Variants in ITGAD observed in about 807,000 individuals in gnomAD.
ITGAD encodes the protein integrin alpha-D.
In ITGAD, 105 loss-of-function variants were observed where a neutral mutation model predicts 139.0. The ratio of observed to expected loss-of-function variants is 0.76; its 90% CI spans 0.65 to 0.89. ITGAD has a LOEUF of 0.89. ITGAD is among the 40% of genes least tolerant of loss of function. ITGAD has a pLI of 0.00. For synonymous variants in ITGAD, 569 were observed against 598.3 expected (o/e 0.95, Z 0.71); for missense variants, 1,384 against 1,487.3 (o/e 0.93, Z 1.14).
At chr16:31,399,556 A>G (rs2081353598) in intron 5 of ITGAD, among the ~76,000 whole-genome samples, 1 of 151,978 alleles carries the variant, frequency 6.6e-6, no homozygotes, top group African/African-American at 2.4e-5. Flanking sequence ...TATGGAGGGG[A>G]CCAAGGGAAG....
chr16:31,426,089 C>A lies in ITGAD; in HGVS notation c.3447C>A (p.Asp1149Glu), dbSNP rs149224051. 20 of 1,613,504 alleles carry A rather than the reference C, an allele frequency of 1.2e-5. No homozygotes were observed. The highest frequency in any genetic ancestry group is 1.4e-5 in the Non-Finnish European group (16 of 1,179,550). The change falls in exon 30 of 30, where the codon GAC (aspartate) becomes GAA (glutamate). Residue 1149 changes from aspartate to glutamate, a missense_variant. Transcript: ENST00000389202. ...KPEDTATFSG[D>E]DFSCVAPNVP... ...AAGACACTGCCACATTCAGTGGGGA[C>A]GATTTCAGCTGTGTGGCCCCAAATG... is the stretch of plus-strand genomic sequence containing the variant.
At chr16:31,419,023 C>CA (rs34885660) in intron 23 of ITGAD, among the ~76,000 whole-genome samples, 49,385 of 89,780 alleles carry the variant, frequency 0.55, 13,591 homozygotes, top group Middle Eastern at 0.63. Flanking sequence ...GACTCTGTCT[C>CA]AAAAAAAAAA....
intron 5 of ITGAD, 103 bp downstream of exon 5, chr16:31,398,012 C>CA: frequency 1.2e-6 from 1 of 810,956 alleles, no homozygotes; most frequent in Non-Finnish European, 1.9e-6. Flanking sequence ...CCCTGGAGGG[C>CA]CGAGTGTGGC....
At chr16:31,398,654 A>G (rs1437594570) in intron 5 of ITGAD, among the ~76,000 whole-genome samples, 4 of 151,788 alleles carry the variant, frequency 2.6e-5, no homozygotes, top group African/African-American at 9.7e-5. Context: ...CTAATTAAAA[A>G]AAATGTTTTT....
In ITGAD at chr16:31,423,613, G is replaced by A; in HGVS notation, c.3010G>A (p.Asp1004Asn). The change falls in exon 26 of 30, where the codon GAC (aspartate) becomes AAC (asparagine). Residue 1004 changes from aspartate (D) to asparagine (N), a missense_variant. Physicochemically the swap from Asp to Asn is conservative, Grantham distance 23. Coordinates refer to ENST00000389202, the MANE Select transcript of ITGAD (RefSeq NM_005353.3). Reference protein sequence around the residue: ...VSERKPPQHSDFLTQISRSPM... With the variant: ...VSERKPPQHSNFLTQISRSPM... ...AGAGAGAAAACCTCCCCAGCATTCTGACTTCCTGACCCAGATTTCAAGAAG... is the reference window on the plus strand; with the variant it reads ...AGAGAGAAAACCTCCCCAGCATTCTAACTTCCTGACCCAGATTTCAAGAAG... 1.2e-6 allele frequency: 2 copies of A among 1,614,074 alleles called. No homozygotes were observed. Among genetic ancestry groups the A allele is most frequent in the Admixed American group, 1.7e-5 (1 of 60,020 alleles).
intron 1 of ITGAD, 132 bp downstream of exon 1, chr16:31,393,523 G>A (rs1396087300): frequency 1.1e-6 from 1 of 934,844 alleles, no homozygotes; most frequent in South Asian, 1.4e-5. Context: ...AGTGCTTCAT[G>A]TGCGAGTGGC....
chr16:31,423,562 T>C lies in ITGAD; in HGVS notation c.2968-9T>C. On this transcript the variant is annotated splice_polypyrimidine_tract_variant and intron_variant, in intron 25 of 29. Transcript: ENST00000389202. ...CATTCTGTGGCTAAGTGCTTCTTTC[T>C]CTTCCCAGAGTCTCCCCTGTGTTTC... 6.2e-7 allele frequency: 1 copy of C among 1,613,760 alleles called. No individual in the cohort carries two copies. The highest frequency in any genetic ancestry group is 8.5e-7 in the Non-Finnish European group (1 of 1,179,646).
intron 10 of ITGAD, 54 bp downstream of exon 10, chr16:31,408,552 C>A: frequency 6.6e-7 from 1 of 1,508,124 alleles, no homozygotes; most frequent in East Asian, 2.3e-5. Context: ...TCTGCACCCA[C>A]CCTGGGCTGG....
In ITGAD at chr16:31,414,960, C is replaced by T; in HGVS notation, c.2252C>T (p.Ala751Val). Residue 751 changes from alanine (A) to valine (V), a missense_variant, in exon 18 of 30, where the codon GCC (alanine) becomes GTC (valine). Physicochemically the swap from Ala to Val is moderately conservative, Grantham distance 64. Coordinates refer to ENST00000389202, the MANE Select transcript of ITGAD (RefSeq NM_005353.3). The part of the protein sequence containing the change: ...PSPQNLRPVL[A>V]VGSQDLFTAS... ...CCCCAGAACCTGCGTCCTGTGCTGGCCGTGGGCTCACAAGACCTCTTCACT... is the reference window on the plus strand; with the variant it reads ...CCCCAGAACCTGCGTCCTGTGCTGGTCGTGGGCTCACAAGACCTCTTCACT... 1 of 1,614,082 alleles carries T rather than the reference C, an allele frequency of 6.2e-7. No individual in the cohort carries two copies. Among genetic ancestry groups the T allele is most frequent in the Non-Finnish European group, 8.5e-7 (1 of 1,179,994 alleles).
rs145889371 is a variant in ITGAD, at chr16:31,393,350, G to A, written c.-11G>A. The A allele has an allele frequency of 2.2e-4, 350 of 1,614,062 alleles. No homozygotes were observed. In the African/African-American group the frequency reaches 3.9e-3, roughly 18 times the overall value. On this transcript the variant is annotated 5_prime_UTR_variant, in exon 1 of 30. Coordinates refer to ENST00000389202, the MANE Select transcript of ITGAD (RefSeq NM_005353.3). ...CCAACCTTCCACTTCCCCTCAACGC[G>A]CTGCTCAGGGATGACCTTCGGCACT...
chr16:31,421,304 G>C (rs1162822620), intron 23 of ITGAD, among the ~76,000 whole-genome samples: 1 of 151,472 alleles, frequency 6.6e-6, no homozygotes, highest in Non-Finnish European at 1.5e-5. Context: ...GGTTTACTTA[G>C]ATCTGAAAAC....
chr16:31,394,140 AAAAAAAAAAAG>A, intron 1 of ITGAD, 85 bp from the exon 2 acceptor site: 2 of 661,934 alleles, frequency 3.0e-6, no homozygotes, highest in South Asian at 2.0e-5. Flanking sequence ...CAAAAAAAAA[AAAAAAAAAAAG>A]AAAAAAAAGA....
chr16:31,423,026 C>T, intron 23 of ITGAD, 88 bp from the exon 24 acceptor site: 1 of 1,023,896 alleles, frequency 9.8e-7, no homozygotes, highest in Non-Finnish European at 1.6e-6. Context: ...GAGACATCTG[C>T]CCAGCCCAAC....
At chr16:31,410,917 G>C (rs151239683) in intron 12 of ITGAD, 39 bp downstream of exon 12, 18 of 1,606,922 alleles carry the variant, frequency 1.1e-5, no homozygotes, top group Non-Finnish European at 1.5e-5. Flanking sequence ...GATGAGGGTG[G>C]GGAGGATGAG....
chr16:31,414,396 A>T lies in ITGAD; in HGVS notation c.1997-55A>T, dbSNP rs2081826205. 2.5e-6 allele frequency: 4 copies of T among 1,578,394 alleles called. No individual in the cohort carries two copies. In the South Asian group the frequency reaches 4.5e-5, roughly 18 times the overall value. Reference sequence around the variant, plus strand: ...TATTGCATGAACAAATAATGAAAACAGAGCATTCTAGGTTATTTCTGCCTT... The same window carrying T: ...TATTGCATGAACAAATAATGAAAACTGAGCATTCTAGGTTATTTCTGCCTT... On this transcript the variant is annotated intron_variant, in intron 16 of 29. Transcript: ENST00000389202.
At chr16:31,395,403 G>C (rs891617081) in intron 2 of ITGAD, among the ~76,000 whole-genome samples, 2 of 152,128 alleles carry the variant, frequency 1.3e-5, no homozygotes, top group African/African-American at 4.8e-5. Context: ...ACCGCCTCCT[G>C]AAGGGTGGTG....
At chr16:31,399,306 T>A (rs2081347833) in intron 5 of ITGAD, among the ~76,000 whole-genome samples, 2 of 152,128 alleles carry the variant, frequency 1.3e-5, no homozygotes, top group Non-Finnish European at 2.9e-5. Context: ...GCCTGGCACA[T>A]AGTATGTGAT....
chr16:31,418,576 C>T lies in ITGAD; in HGVS notation c.2780+12C>T. The T allele has an allele frequency of 1.2e-6, 2 of 1,608,760 alleles. No homozygotes were observed. Among genetic ancestry groups the T allele is most frequent in the Non-Finnish European group, 1.7e-6 (2 of 1,175,134 alleles). ...ACCATGATCAGCAGGTGCCCAGTCC[C>T]TGGCCTTCCCCTTGGACCTCTGGCC... On this transcript the variant is annotated intron_variant, in intron 23 of 29. Coordinates refer to ENST00000389202, the MANE Select transcript of ITGAD (RefSeq NM_005353.3).
In ITGAD at chr16:31,407,891, G is replaced by T; in HGVS notation, c.984G>T (p.Leu328=). The T allele has an allele frequency of 6.3e-7, 1 of 1,597,382 alleles. No individual in the cohort carries two copies. The highest frequency in any genetic ancestry group is 8.6e-7 in the Non-Finnish European group (1 of 1,166,258). Residue 328 remains leucine, a synonymous_variant, in exon 9 of 30, where the codon CTG becomes CTT. Coordinates refer to ENST00000389202, the MANE Select transcript of ITGAD (RefSeq NM_005353.3). ...FAALGSIQKQ[L]QEKIYAVEGT... ...CCCTTGGCAGCATCCAGAAGCAGCT[G>T]CAGGAGAAGATCTATGCAGTTGAGG... is the stretch of plus-strand genomic sequence containing the variant.
Sources: allele counts gnomAD v4.1 joint callset (sites outside exome capture counted in the v4.1 genomes callset), GRCh38; gene constraint gnomAD v4.1.1; transcripts MANE v1.5; gene names NCBI Gene and HGNC (gene_info 2026-07-23, HGNC 2026-07-21).